DOCK11: variants seen among roughly 807,000 people sequenced by gnomAD.
DOCK11 encodes the protein dedicator of cytokinesis 11, also known as dedicator of cytokinesis protein 11.
Under a neutral mutation model 169.1 loss-of-function variants are expected in DOCK11, and 70 were observed. The ratio of observed to expected loss-of-function variants is 0.41; its 90% CI spans 0.34 to 0.51. The LOEUF is 0.51. Ranked by LOEUF, DOCK11 falls within the 20% of genes least tolerant of loss-of-function variation. The pLI is 0.10. For synonymous variants in DOCK11, 529 were observed against 541.3 expected (o/e 0.98, Z 0.32); for missense variants, 1,166 against 1,538.8 (o/e 0.76, Z 4.05).
At chrX:118,626,378 C>T (rs1200631753) in intron 32 of DOCK11, among the ~76,000 whole-genome samples, 7 of 111,255 alleles carry the variant, frequency 6.3e-5, no homozygotes, top group Non-Finnish European at 1.3e-4. Flanking sequence ...GTCCCCAAAA[C>T]CCTTTGCTTT....
intron 13 of DOCK11, 51 bp from the exon 14 acceptor site, chrX:118,580,046 T>C: frequency 9.3e-7 from 1 of 1,079,467 alleles, no homozygotes; most frequent in East Asian, 3.1e-5. Context: ...TCTGGGTGGG[T>C]CCATGGCAGT....
At chrX:118,648,854 A>G (rs186234181) in intron 40 of DOCK11, 91 bp from the exon 41 acceptor site, 338 of 793,231 alleles carry the variant, frequency 4.3e-4, no homozygotes, top group Non-Finnish European at 5.5e-4. Context: ...CCCCCAGCAT[A>G]GTTTTAGGTG....
At chrX:118,498,778 G>A (rs1215822311) in intron 1 of DOCK11, among the ~76,000 whole-genome samples, 1 of 109,726 alleles carries the variant, frequency 9.1e-6, no homozygotes, top group African/African-American at 3.3e-5. Flanking sequence ...TTTTTTTTAA[G>A]GATTTTGGAA....
chrX:118,543,660 C>T, intron 4 of DOCK11, 67 bp downstream of exon 4: 1 of 964,903 alleles, frequency 1.0e-6, no homozygotes, highest in Non-Finnish European at 1.5e-6. Flanking sequence ...TTGTTAAAAC[C>T]ACTTGTGAGG....
intron 1 of DOCK11, among the ~76,000 whole-genome samples, chrX:118,502,033 C>G (rs750786148): frequency 1.0e-3 from 111 of 111,227 alleles, no homozygotes; most frequent in Non-Finnish European, 1.9e-3. Flanking sequence ...GTTTGTGATT[C>G]TTGCAATACA....
At chrX:118,539,502 T>G (rs1300719999) in intron 1 of DOCK11, among the ~76,000 whole-genome samples, 1 of 111,195 alleles carries the variant, frequency 9.0e-6, no homozygotes, top group African/African-American at 3.3e-5. Flanking sequence ...ATAAGTTTGG[T>G]TTTTTTGAGA....
chrX:118,678,420 T>G (rs2016660341), intron 48 of DOCK11, among the ~76,000 whole-genome samples: 1 of 112,143 alleles, frequency 8.9e-6, no homozygotes, highest in Non-Finnish European at 1.9e-5. Context: ...ATGAGAGATT[T>G]GTAAGTGTCC....
At chrX:118,600,416 A>G (rs1422238699) in intron 23 of DOCK11, among the ~76,000 whole-genome samples, 3 of 96,093 alleles carry the variant, frequency 3.1e-5, no homozygotes, top group Non-Finnish European at 6.4e-5. Context: ...TTTTAAAAAA[A>G]AAAAAAAAGA....
chrX:118,518,309 G>A (rs1326188450), intron 1 of DOCK11, among the ~76,000 whole-genome samples: 1 of 111,498 alleles, frequency 9.0e-6, no homozygotes, highest in Non-Finnish European at 1.9e-5. Context: ...TCTCTACTGT[G>A]TGCCTCTTTT....
chrX:118,674,992 GT>G (rs1488683390), intron 46 of DOCK11, among the ~76,000 whole-genome samples: 2 of 111,571 alleles, frequency 1.8e-5, no homozygotes, highest in African/African-American at 6.5e-5. Context: ...GTCTATTCAG[GT>G]CATTTGCCCA....
chrX:118,522,124 G>T (rs755937092), intron 1 of DOCK11, among the ~76,000 whole-genome samples: 22 of 111,169 alleles, frequency 2.0e-4, no homozygotes, highest in Non-Finnish European at 3.6e-4. Flanking sequence ...TTTGAGAACA[G>T]CCCTGCCAAC....
At chrX:118,543,077 A>G (rs2012091330) in intron 3 of DOCK11, 62 bp downstream of exon 3, 2 of 847,323 alleles carry the variant, frequency 2.4e-6, no homozygotes, top group African/African-American at 4.0e-5. Flanking sequence ...TACAGTATTT[A>G]TATGTCTTTA....
chrX:118,584,610 T>A (rs2013758140), intron 14 of DOCK11, 125 bp from the exon 15 acceptor site: 1 of 584,070 alleles, frequency 1.7e-6, no homozygotes, highest in Admixed American at 4.9e-5. Context: ...ATTAACTTAA[T>A]GAGAAACCGC....
Position 118,685,737 on chromosome X carries a change from A to G in DOCK11, c.6152A>G (p.His2051Arg), listed in dbSNP as rs758723689. The G allele has an allele frequency of 5.0e-6, 6 of 1,209,730 alleles. No homozygotes were observed. The Admixed American group carries it at 1.1e-4, about 22-fold the overall frequency. ...TCTCCCTGGATGAGCAACACATTAC[A>G]TGTATTTTGTGCAATTAGTGGTACA... ...MHSPWMSNTL[H>R]VFCAISGTSS... is the part of the protein sequence containing the mutation. Residue 2051 changes from histidine to arginine, a missense_variant, in exon 53 of 53, where the codon CAT becomes CGT. By Grantham distance (29) the His-to-Arg change is conservative (BLOSUM62 0). Coordinates refer to ENST00000276202, the MANE Select transcript of DOCK11 (RefSeq NM_144658.4).
chrX:118,602,224 C>T (rs1322184873), intron 23 of DOCK11, among the ~76,000 whole-genome samples: 2 of 108,265 alleles, frequency 1.8e-5, no homozygotes, highest in Non-Finnish European at 3.8e-5. Flanking sequence ...GTTCTTTCTA[C>T]CACACCTTGC....
At chrX:118,680,835 G>C (rs1043032868) in intron 49 of DOCK11, 143 bp downstream of exon 49, 6 of 582,409 alleles carry the variant, frequency 1.0e-5, no homozygotes, top group Middle Eastern at 5.4e-4. Flanking sequence ...GCACAAGCAC[G>C]TCCATGTGAT....
In DOCK11 at chrX:118,628,220, TCA is replaced by T; in HGVS notation, c.3723_3724del (p.Ile1242ProfsTer15). On this transcript the variant is annotated frameshift_variant, in exon 34 of 53. Transcript: ENST00000276202. LOFTEE classifies it high-confidence loss of function. Reference sequence around the variant, plus strand: ...AAGAGAGAAGATTCAAGAGGTTCCCTCATCCCAGAAGGAGCAACAGGATTTCC... The same window carrying T: ...AAGAGAGAAGATTCAAGAGGTTCCCTTCCCAGAAGGAGCAACAGGATTTCC... The T allele has an allele frequency of 8.3e-7, 1 of 1,209,088 alleles. No homozygotes were observed. The highest frequency in any genetic ancestry group is 1.1e-6 in the Non-Finnish European group (1 of 893,312).
chrX:118,653,699 C>T (rs2016000411), intron 42 of DOCK11, among the ~76,000 whole-genome samples: 1 of 112,050 alleles, frequency 8.9e-6, no homozygotes, highest in Admixed American at 9.5e-5. Context: ...CAGTCATGAG[C>T]CACTGCTCCC....
intron 35 of DOCK11, 144 bp from the exon 36 acceptor site, chrX:118,636,202 G>T: frequency 3.2e-6 from 1 of 311,167 alleles, no homozygotes; most frequent in Non-Finnish European, 5.9e-6. Context: ...TGTATACTGC[G>T]CAGTGGGAGG....
Sources: gnomAD v4.1 joint callset for allele counts (sites outside exome capture counted in the v4.1 genomes callset) on GRCh38, gnomAD v4.1.1 for gene constraint, MANE v1.5 for transcripts, NCBI Gene and HGNC (gene_info 2026-07-23, HGNC 2026-07-21) for gene names.